Variants in ZNF470 observed in about 807,000 individuals in gnomAD.
ZNF470 encodes chondrogenesis zinc finger protein 1.
In ZNF470, 13 loss-of-function variants were observed where a neutral mutation model predicts 13.9. The ratio of observed to expected loss-of-function variants is 0.94; its 90% CI spans 0.61 to 1.49. The LOEUF (loss-of-function observed/expected upper bound fraction) is 1.49. Ranked by LOEUF, ZNF470 falls within the 40% of genes most tolerant of loss-of-function variation. The pLI, the probability that ZNF470 is intolerant of heterozygous loss-of-function variation, is 0.00. For missense variants in ZNF470, 929 were observed against 857.3 expected (o/e 1.08, Z -1.04); for synonymous variants, 293 against 282.9 (o/e 1.04, Z -0.36).
In ZNF470 at chr19:56,577,957, G is replaced by A. The variant is rs762620584; in HGVS notation, c.1528G>A (p.Glu510Lys). 6 of 1,613,952 alleles carry A rather than the reference G, an allele frequency of 3.7e-6. No individual in the cohort carries two copies. In the African/African-American group the frequency reaches 8.0e-5, roughly 22 times the overall value. Residue 510 changes from glutamate to lysine, a missense_variant, in exon 6 of 6, where the codon GAA becomes AAA. Glu to Lys is a moderately conservative substitution (Grantham distance 56, BLOSUM62 1). Transcript: ENST00000330619. ...QRIHTGEKPY[E>K]CKECSKTFSQ... Reference sequence around the variant, plus strand: ...AATTCATACTGGAGAGAAACCTTATGAATGTAAGGAATGCAGCAAAACCTT... The same window carrying A: ...AATTCATACTGGAGAGAAACCTTATAAATGTAAGGAATGCAGCAAAACCTT...
In ZNF470 at chr19:56,581,150, T is replaced by C; in HGVS notation, c.*2567T>C. The C allele has an allele frequency of 1.2e-6, 1 of 850,874 alleles. No homozygotes were observed. Among genetic ancestry groups the C allele is most frequent in the Non-Finnish European group, 1.4e-6 (1 of 707,604 alleles). 52.7% of individuals were successfully genotyped at this position (850,874 alleles called of 1,614,324 possible). A position where few individuals can be genotyped will look rare whatever the true frequency, so the allele number is the denominator to read the frequency against. On this transcript the variant is annotated 3_prime_UTR_variant, in exon 6 of 6. Transcript: ENST00000330619. ...TAATAAAGGACTGTAATTCGTGATA[T>C]TCAAAGTACTATTACAAACCAATAA...
chr19:56,567,511 G>C lies in ZNF470; in HGVS notation c.-686G>C. On this transcript the variant is annotated 5_prime_UTR_variant, in exon 1 of 6. Transcript: ENST00000330619. ...AAGCCGGGCGAGTGCACGTCCCGCCGGTTGCTGAGGAGAAGGGAGGTCTGG... is the reference window on the plus strand; with the variant it reads ...AAGCCGGGCGAGTGCACGTCCCGCCCGTTGCTGAGGAGAAGGGAGGTCTGG... 1 of 986,010 alleles carries C rather than the reference G, an allele frequency of 1.0e-6. No individual in the cohort carries two copies. The highest frequency in any genetic ancestry group is 1.2e-6 in the Non-Finnish European group (1 of 830,372). 61.1% of individuals were successfully genotyped at this position (986,010 alleles called of 1,614,324 possible).
intron 5 of ZNF470, among the ~76,000 whole-genome samples, chr19:56,576,090 A>T (rs912427416): frequency 6.6e-6 from 1 of 152,172 alleles, no homozygotes; most frequent in African/African-American, 2.4e-5. Flanking sequence ...ATTATAAATA[A>T]CCACACATGC....
In ZNF470 at chr19:56,578,946, G is replaced by A; in HGVS notation, c.*363G>A. ...CAAGTAAACCAAACAGTAAGTCTAA[G>A]ACTAAGATTTTAGAGCAGACAGAAG... On this transcript the variant is annotated 3_prime_UTR_variant, in exon 6 of 6. Coordinates refer to ENST00000330619, the MANE Select transcript of ZNF470 (RefSeq NM_001001668.4). The A allele has an allele frequency of 1.0e-6, 1 of 1,004,210 alleles. No homozygotes were observed. The highest frequency in any genetic ancestry group is 1.2e-6 in the Non-Finnish European group (1 of 842,786). 62.2% of individuals were successfully genotyped at this position (1,004,210 alleles called of 1,614,324 possible). A position where few individuals can be genotyped will look rare whatever the true frequency, so the allele number is the denominator to read the frequency against.
Position 56,567,848 on chromosome 19 carries a change from C to G in ZNF470, c.-349C>G, listed in dbSNP as rs1167530162. 3 of 986,028 alleles carry G rather than the reference C, an allele frequency of 3.0e-6. No homozygotes were observed. The highest frequency in any genetic ancestry group is 4.7e-5 in the South Asian group (1 of 21,322). The allele number at this position is 986,028 out of a possible 1,614,324, so 61.1% of individuals were successfully genotyped here. A position where few individuals can be genotyped will look rare whatever the true frequency, so the allele number is the denominator to read the frequency against. On this transcript the variant is annotated 5_prime_UTR_variant, in exon 1 of 6. Transcript: ENST00000330619. Reference sequence around the variant, plus strand: ...GAAACCCGGCCGGAGGAGGCTTACCCCGTTCTCCCCTGTATCGACTGCGTA... The same window carrying G: ...GAAACCCGGCCGGAGGAGGCTTACCGCGTTCTCCCCTGTATCGACTGCGTA...
In ZNF470 at chr19:56,567,490, C is replaced by T. The variant is rs1012315595; in HGVS notation, c.-707C>T. ...CCCACTTCCGGAAAGGACCCAAAGC[C>T]GGGCGAGTGCACGTCCCGCCGGTTG... On this transcript the variant is annotated 5_prime_UTR_variant, in exon 1 of 6. Coordinates refer to ENST00000330619, the MANE Select transcript of ZNF470 (RefSeq NM_001001668.4). 3 of 985,792 alleles carry T rather than the reference C, an allele frequency of 3.0e-6. No individual in the cohort carries two copies. The highest frequency in any genetic ancestry group is 6.1e-5 in the Admixed American group (1 of 16,270). 61.1% of individuals were successfully genotyped at this position (985,792 alleles called of 1,614,324 possible).
In ZNF470 at chr19:56,576,858, C is replaced by G; in HGVS notation, c.429C>G (p.Asp143Glu). 1.9e-6 allele frequency: 3 copies of G among 1,595,268 alleles called. No homozygotes were observed. The highest frequency in any genetic ancestry group is 2.6e-6 in the Non-Finnish European group (3 of 1,174,146). Residue 143 changes from aspartate to glutamate, a missense_variant, in exon 6 of 6, where the codon GAC becomes GAG. Physicochemically the swap from Asp to Glu is conservative, Grantham distance 45. Transcript: ENST00000330619. ...STLGKNWKCE[D>E]LFERELVNQK... ...TAGGGAAAAACTGGAAATGTGAAGA[C>G]TTGTTTGAGAGGGAGCTTGTAAACC...
Position 56,580,892 on chromosome 19 carries a change from C to T in ZNF470, c.*2309C>T, listed in dbSNP as rs1416562537. The T allele has an allele frequency of 1.0e-6, 1 of 985,232 alleles. No individual in the cohort carries two copies. The highest frequency in any genetic ancestry group is 1.2e-6 in the Non-Finnish European group (1 of 829,858). 61.0% of individuals were successfully genotyped at this position (985,232 alleles called of 1,614,324 possible). A position where few individuals can be genotyped will look rare whatever the true frequency, so the allele number is the denominator to read the frequency against. On this transcript the variant is annotated 3_prime_UTR_variant, in exon 6 of 6. Transcript: ENST00000330619. ...TCAAATGGCATTGGGAAACTTAGCT[C>T]ACTGGAAAAACAGATCTGTACCTTT...
rs1011267703 is a variant in ZNF470 at position 56,579,890 on chromosome 19, G to T, written c.*1307G>T. 13 of 451,624 alleles carry T rather than the reference G, an allele frequency of 2.9e-5. No individual in the cohort carries two copies. Among genetic ancestry groups the T allele is most frequent in the South Asian group, 9.5e-5 (1 of 10,552 alleles). 28.0% of individuals were successfully genotyped at this position (451,624 alleles called of 1,614,324 possible). ...TGATTCTGATCATCTGTAGAATTTT[G>T]ATTTTAACGAGGAATGTAGTTTACA... On this transcript the variant is annotated 3_prime_UTR_variant, in exon 6 of 6. Coordinates refer to ENST00000330619, the MANE Select transcript of ZNF470 (RefSeq NM_001001668.4).
In ZNF470 at chr19:56,567,703, GGCCCGGTGTGTGACT is replaced by G. The variant is rs1272510053; in HGVS notation, c.-492_-478del. The G allele has an allele frequency of 4.0e-6, 4 of 988,324 alleles. No individual in the cohort carries two copies. The African/African-American group carries it at 7.0e-5, about 17-fold the overall frequency. 61.2% of individuals were successfully genotyped at this position (988,324 alleles called of 1,614,324 possible). ...AGGGGCGAGCGCGCGCGGGGATGGC[GGCCCGGTGTGTGACT>G]GTCCGGTGCGTGGCCGCGAATCTGC... is the stretch of plus-strand genomic sequence containing the variant. On this transcript the variant is annotated 5_prime_UTR_variant, in exon 1 of 6. Coordinates refer to ENST00000330619, the MANE Select transcript of ZNF470 (RefSeq NM_001001668.4).
In ZNF470 at chr19:56,580,159, G is replaced by T; in HGVS notation, c.*1576G>T. The T allele has an allele frequency of 1.0e-6, 1 of 984,044 alleles. No individual in the cohort carries two copies. The highest frequency in any genetic ancestry group is 1.2e-6 in the Non-Finnish European group (1 of 829,448). 61.0% of individuals were successfully genotyped at this position (984,044 alleles called of 1,614,324 possible). A position where few individuals can be genotyped will look rare whatever the true frequency, so the allele number is the denominator to read the frequency against. The stretch of plus-strand genomic sequence containing the variant: ...ACCTTACTATCCCCAGAACATGTTG[G>T]TATTAGAGGATGAGGGAAGAACTAG... On this transcript the variant is annotated 3_prime_UTR_variant, in exon 6 of 6. Coordinates refer to ENST00000330619, the MANE Select transcript of ZNF470 (RefSeq NM_001001668.4).
Position 56,567,611 on chromosome 19 carries a change from A to G in ZNF470, c.-586A>G. 1.0e-6 allele frequency: 1 copy of G among 987,576 alleles called. No homozygotes were observed. The highest frequency in any genetic ancestry group is 1.2e-6 in the Non-Finnish European group (1 of 832,350). 61.2% of individuals were successfully genotyped at this position (987,576 alleles called of 1,614,324 possible). A position where few individuals can be genotyped will look rare whatever the true frequency, so the allele number is the denominator to read the frequency against. On this transcript the variant is annotated 5_prime_UTR_variant, in exon 1 of 6. Transcript: ENST00000330619. Reference sequence around the variant, plus strand: ...GGTTCCTGTGTGGGCGGCGGGCGTGAGCGTGCGCGTGTGGCCTGGTGGCTG... The same window carrying G: ...GGTTCCTGTGTGGGCGGCGGGCGTGGGCGTGCGCGTGTGGCCTGGTGGCTG...
At position 56,582,441 on chromosome 19, in the gene ZNF470, CTA is replaced by C. The variant is rs1476089662; in HGVS notation, c.*3860_*3861del. ...GATGGCTCATAACCAAATTTAGAGA[CTA>C]TTTTTATGCATTGTTAAAGTGGAAT... is the stretch of plus-strand genomic sequence containing the variant. On this transcript the variant is annotated 3_prime_UTR_variant, in exon 6 of 6. Coordinates refer to ENST00000330619, the MANE Select transcript of ZNF470 (RefSeq NM_001001668.4). 1.0e-6 allele frequency: 1 copy of C among 985,188 alleles called. No individual in the cohort carries two copies. Among genetic ancestry groups the C allele is most frequent in the Non-Finnish European group, 1.2e-6 (1 of 829,890 alleles). 61.0% of individuals were successfully genotyped at this position (985,188 alleles called of 1,614,324 possible). A position where few individuals can be genotyped will look rare whatever the true frequency, so the allele number is the denominator to read the frequency against.
At position 56,579,057 on chromosome 19, in the gene ZNF470, C is replaced by G. The variant is rs1183190376; in HGVS notation, c.*474C>G. On this transcript the variant is annotated 3_prime_UTR_variant, in exon 6 of 6. Transcript: ENST00000330619. Reference sequence around the variant, plus strand: ...CAAGGTAACATGGTGGCTTATCACTCCCTCTGTGACATTGTTGATGAGCAA... The same window carrying G: ...CAAGGTAACATGGTGGCTTATCACTGCCTCTGTGACATTGTTGATGAGCAA... The G allele has an allele frequency of 2.0e-6, 2 of 985,788 alleles. No individual in the cohort carries two copies. Among genetic ancestry groups the G allele is most frequent in the Non-Finnish European group, 2.4e-6 (2 of 830,300 alleles). The allele number at this position is 985,788 out of a possible 1,614,324, so 61.1% of individuals were successfully genotyped here.
chr19:56,572,371 A>AAAAT (rs2044459428), intron 3 of ZNF470, among the ~76,000 whole-genome samples: 23 of 17,234 alleles, frequency 1.3e-3, no homozygotes, highest in Admixed American at 2.5e-3. Context: ...AAAAAAAAAA[A>AAAAT]ATATATATAT....
chr19:56,580,066 A>G lies in ZNF470; in HGVS notation c.*1483A>G. ...GAAAAAATTAAATGCATGCTATGTG[A>G]TAAGTATATGATATGTCCCATAAAG... On this transcript the variant is annotated 3_prime_UTR_variant, in exon 6 of 6. Coordinates refer to ENST00000330619, the MANE Select transcript of ZNF470 (RefSeq NM_001001668.4). The G allele has an allele frequency of 2.6e-6, 2 of 782,058 alleles. No individual in the cohort carries two copies. Among genetic ancestry groups the G allele is most frequent in the Non-Finnish European group, 3.1e-6 (2 of 644,752 alleles). The allele number at this position is 782,058 out of a possible 1,614,324, so 48.4% of individuals were successfully genotyped here.
At chr19:56,574,174 G>T (rs1030302273) in intron 3 of ZNF470, 1 of 765,402 alleles carries the variant, frequency 1.3e-6, no homozygotes, top group South Asian at 1.5e-5. Context: ...TGTTTGAAGA[G>T]CAAGGAGTAT....
chr19:56,568,678 C>T (rs2044429019), intron 1 of ZNF470, 80 bp from the exon 2 acceptor site: 1 of 152,194 alleles, frequency 6.6e-6, no homozygotes, highest in African/African-American at 2.4e-5. Context: ...GTGCCAGACA[C>T]AGTTCTAAGA....
chr19:56,578,569 C>A lies in ZNF470; in HGVS notation c.2140C>A (p.His714Asn). Reference sequence around the variant, plus strand: ...TATTCTCTCCTCTGCCCTCCCATACCACCAAGTCCTATAGATTCAATCTCG... The same window carrying A: ...TATTCTCTCCTCTGCCCTCCCATACAACCAAGTCCTATAGATTCAATCTCG... ...SVILSSALPY[H>N]QVL Residue 714 changes from histidine to asparagine, a missense_variant, in exon 6 of 6, where the codon CAC becomes AAC. Transcript: ENST00000330619. 6.5e-7 allele frequency: 1 copy of A among 1,540,202 alleles called. No individual in the cohort carries two copies.
Sources: allele counts gnomAD v4.1 joint callset (sites outside exome capture counted in the v4.1 genomes callset), GRCh38; gene constraint gnomAD v4.1.1; transcripts MANE v1.5; gene names NCBI Gene and HGNC (gene_info 2026-07-23, HGNC 2026-07-21).